FAM184A: variants seen among roughly 807,000 people sequenced by gnomAD.
FAM184A encodes the protein family with sequence similarity 184 member A.
A neutral mutation model predicts 143.8 loss-of-function variants in FAM184A; 99 were observed. That is an observed-to-expected ratio of 0.69 (90% CI 0.58 to 0.81). The LOEUF is 0.81. FAM184A is among the 40% of genes least tolerant of loss of function. The pLI, the probability that FAM184A is intolerant of heterozygous loss-of-function variation, is 0.00. For missense variants in FAM184A, 1,217 were observed against 1,310.5 expected, an observed-to-expected ratio of 0.93 and a Z score of 1.10; for synonymous variants, 427 against 446.4, an observed-to-expected ratio of 0.96 and a Z score of 0.55.
At chr6:119,131,598 A>G (rs927072414) in intron 1 of FAM184A, among the ~76,000 whole-genome samples, 1 of 152,048 alleles carries the variant, frequency 6.6e-6, no homozygotes, top group Non-Finnish European at 1.5e-5. Context: ...CGATCCCCCT[A>G]CCACAGCCTC....
chr6:119,001,916 T>C (rs1195616971), intron 9 of FAM184A, among the ~76,000 whole-genome samples: 2 of 152,178 alleles, frequency 1.3e-5, no homozygotes, highest in African/African-American at 4.8e-5. Context: ...GTCCAAATTC[T>C]AGTAAAAGTT....
intron 4 of FAM184A, among the ~76,000 whole-genome samples, chr6:119,018,619 A>T (rs1361949827): frequency 6.6e-6 from 1 of 152,204 alleles, no homozygotes; most frequent in East Asian, 1.9e-4. Context: ...AAATCACTGA[A>T]GTTTTAAGCA....
intron 9 of FAM184A, among the ~76,000 whole-genome samples, chr6:118,985,027 G>A (rs1784149461): frequency 6.6e-6 from 1 of 152,182 alleles, no homozygotes; most frequent in Non-Finnish European, 1.5e-5. Flanking sequence ...AAGGGTAACT[G>A]GTGTTAATAT....
rs531190489 is a variant in FAM184A, at chr6:119,023,558, C to G, written c.1014+401G>C. Among the ~76,000 whole-genome samples, 217 of 115,564 alleles carry G rather than the reference C, an allele frequency of 1.9e-3. 13 individuals are homozygous for G. The highest frequency in any genetic ancestry group is 6.6e-3 in the African/African-American group (208 of 31,280). The allele number at this position is 115,564 out of a possible 152,430, so 75.8% of individuals were successfully genotyped here. A position where few individuals can be genotyped will look rare whatever the true frequency, so the allele number is the denominator to read the frequency against. On this transcript the variant is annotated intron_variant, in intron 2 of 17. Transcript: ENST00000338891. ...TAAATAATTAGCAATATTGTCCGCC[C>G]CCCCCCCCAGGAACAGCGTATTACC...
intron 14 of FAM184A, among the ~76,000 whole-genome samples, chr6:118,969,317 T>G (rs538695314): frequency 6.6e-6 from 1 of 152,260 alleles, no homozygotes; most frequent in South Asian, 2.1e-4. Context: ...TACAATATTT[T>G]TACATCATCA....
chr6:119,043,081 AT>A (rs371679072), intron 1 of FAM184A, among the ~76,000 whole-genome samples: 11 of 152,170 alleles, frequency 7.2e-5, no homozygotes, highest in East Asian at 1.9e-4. Context: ...TTTATTAAAA[AT>A]AAATCTGATG....
At chr6:118,960,326 T>G in intron 17 of FAM184A, 142 bp from the exon 18 acceptor site, 1 of 631,170 alleles carries the variant, frequency 1.6e-6, no homozygotes, top group Non-Finnish European at 2.7e-6. Flanking sequence ...TGCTACCCCC[T>G]CTATACTAGA....
At chr6:119,059,033 G>T (rs991726569) in intron 1 of FAM184A, among the ~76,000 whole-genome samples, 10 of 151,912 alleles carry the variant, frequency 6.6e-5, no homozygotes, top group Non-Finnish European at 1.2e-4. Context: ...GCCTTGCTCT[G>T]TTGCCCAGGC....
chr6:118,984,917 T>C (rs1784145900), intron 9 of FAM184A, among the ~76,000 whole-genome samples: 1 of 152,198 alleles, frequency 6.6e-6, no homozygotes, highest in African/African-American at 2.4e-5. Context: ...TATTCCTATT[T>C]ATCAAAGTAA....
At chr6:119,080,208 A>G (rs916057380), upstream of FAM184A, among the ~76,000 whole-genome samples, 16 of 152,224 alleles carry the variant, frequency 1.1e-4, no homozygotes, top group Non-Finnish European at 1.5e-5. Context: ...GATAAAGTGG[A>G]AAGAGAATAA....
chr6:119,044,553 A>G (rs1260762394), intron 1 of FAM184A, among the ~76,000 whole-genome samples: 2 of 152,038 alleles, frequency 1.3e-5, no homozygotes, highest in African/African-American at 4.8e-5. Context: ...ACTGCATTTC[A>G]GCCTGGGTAA....
chr6:119,021,545 C>T (rs1018612934), intron 3 of FAM184A, among the ~76,000 whole-genome samples: 4 of 151,986 alleles, frequency 2.6e-5, no homozygotes, highest in African/African-American at 9.7e-5. Context: ...AAAGTTAGCC[C>T]GTGGCATACC....
At chr6:119,090,942 T>C (rs1788347933) in intron 1 of FAM184A, among the ~76,000 whole-genome samples, 1 of 152,214 alleles carries the variant, frequency 6.6e-6, no homozygotes. Flanking sequence ...TTTCGAGATC[T>C]AGAAATACTC....
chr6:119,069,603 T>G (rs1158419948), intron 1 of FAM184A, among the ~76,000 whole-genome samples: 1 of 152,128 alleles, frequency 6.6e-6, no homozygotes, highest in Non-Finnish European at 1.5e-5. Flanking sequence ...AAGTAACAAT[T>G]TATTCAGAAA....
At chr6:119,086,987 T>C (rs905494271) in intron 1 of FAM184A, among the ~76,000 whole-genome samples, 2 of 152,028 alleles carry the variant, frequency 1.3e-5, no homozygotes, top group African/African-American at 4.8e-5. Context: ...AGCTGTCAAG[T>C]TTGCCTGATT....
chr6:119,116,069 T>A (rs1313901548), intron 1 of FAM184A, among the ~76,000 whole-genome samples: 1 of 149,804 alleles, frequency 6.7e-6, no homozygotes. Flanking sequence ...GGCTTTATGG[T>A]GGTTAGGAGA....
rs1788795329 is a variant in FAM184A at position 119,106,716 on chromosome 6, T to C, written c.-202+42362A>G. On this transcript the variant is annotated intron_variant, in intron 1 of 16. Coordinates refer to the FAM184A transcript ENST00000352896. Reference sequence around the variant, plus strand: ...CTTTTTGTGCCTCAGTTTTCTCATCTCTAAAAAGGACTAATTGTAATTATC... The same window carrying C: ...CTTTTTGTGCCTCAGTTTTCTCATCCCTAAAAAGGACTAATTGTAATTATC... Among the ~76,000 whole-genome samples the C allele has an allele frequency of 3.3e-5, 5 of 152,346 alleles. No individual in the cohort carries two copies. The South Asian group carries it at 1.0e-3, about 32-fold the overall frequency.
chr6:119,068,965 T>C (rs1787578567), intron 1 of FAM184A: 2 of 280,236 alleles, frequency 7.1e-6, no homozygotes, highest in Admixed American at 8.5e-5. Flanking sequence ...AGAATTAATG[T>C]ACTGATAAAT....
At chr6:119,126,968 C>T (rs1016294960) in intron 1 of FAM184A, among the ~76,000 whole-genome samples, 2 of 152,188 alleles carry the variant, frequency 1.3e-5, no homozygotes, top group Non-Finnish European at 2.9e-5. Context: ...TGCTTCTCCC[C>T]GATGTCCAGC....
Sources: gnomAD v4.1 joint callset for allele counts (sites outside exome capture counted in the v4.1 genomes callset) on GRCh38, gnomAD v4.1.1 for gene constraint, MANE v1.5 for transcripts, NCBI Gene and HGNC (gene_info 2026-07-23, HGNC 2026-07-21) for gene names.